Variants in N4BP2 observed in about 807,000 individuals in gnomAD.
N4BP2 encodes NEDD4 binding protein 2.
N4BP2 carries 91 observed loss-of-function variants against 152.8 expected under a neutral mutation model. The ratio of observed to expected loss-of-function variants is 0.60; its 90% CI spans 0.50 to 0.71. The LOEUF is 0.71. Among genes scored for constraint, N4BP2 ranks in the 30% least tolerant of loss-of-function variants. N4BP2 has a pLI of 0.00. For missense variants in N4BP2, 1,923 were observed against 2,059.1 expected (o/e 0.93, Z 1.28); for synonymous variants, 646 against 705.3 (o/e 0.92, Z 1.33).
the N4BP2 span, among the ~76,000 whole-genome samples, chr4:40,176,808 T>TG: frequency 6.6e-6 from 1 of 152,224 alleles, no homozygotes; most frequent in Admixed American, 6.5e-5. Context: ...TCATGCTGTT[T>TG]GCAGCAGGGA....
chr4:40,126,627 C>A (rs1305158868), intron 12 of N4BP2, among the ~76,000 whole-genome samples: 1 of 151,724 alleles, frequency 6.6e-6, no homozygotes, highest in African/African-American at 2.4e-5. Context: ...TTTCTTGATA[C>A]ATCGTCTTGG....
the N4BP2 span, among the ~76,000 whole-genome samples, chr4:40,183,812 C>T: frequency 2.0e-5 from 3 of 152,198 alleles, no homozygotes; most frequent in Non-Finnish European, 4.4e-5. Flanking sequence ...TGCCAGGCTT[C>T]TGCTGTGTCT....
chr4:40,132,000 A>G lies in N4BP2; in HGVS notation c.4646+81A>G, dbSNP rs1579103212. 1.1e-5 allele frequency: 10 copies of G among 920,452 alleles called. No homozygotes were observed. In the East Asian group the frequency reaches 2.4e-4, roughly 22 times the overall value. 57.0% of individuals were successfully genotyped at this position (920,452 alleles called of 1,614,324 possible). Reference sequence around the variant, plus strand: ...GCCATGTTTATTTTTCTGATAACAAAAATAATGTAAGTCTACAGTAGTCTC... The same window carrying G: ...GCCATGTTTATTTTTCTGATAACAAGAATAATGTAAGTCTACAGTAGTCTC... On this transcript the variant is annotated intron_variant, in intron 13 of 17. Transcript: ENST00000261435.
At chr4:40,145,401 T>A (rs1222979181) in intron 16 of N4BP2, among the ~76,000 whole-genome samples, 2 of 152,130 alleles carry the variant, frequency 1.3e-5, no homozygotes, top group African/African-American at 2.4e-5. Context: ...TTTTTGTATT[T>A]TTAGTGGAGA....
the N4BP2 span, among the ~76,000 whole-genome samples, chr4:40,169,659 TA>T: frequency 3.9e-4 from 55 of 141,386 alleles, no homozygotes; most frequent in East Asian, 1.2e-3. Flanking sequence ...TGCTCATCTT[TA>T]AAAAAAAAAA....
intron 13 of N4BP2, among the ~76,000 whole-genome samples, chr4:40,134,013 G>A (rs1719135591): frequency 6.6e-6 from 1 of 152,032 alleles, no homozygotes; most frequent in African/African-American, 2.4e-5. Flanking sequence ...TCACCATGTT[G>A]CCCAGGCTGG....
At chr4:40,123,086 A>G in intron 9 of N4BP2, 41 bp from the exon 10 acceptor site, 1 of 1,272,598 alleles carries the variant, frequency 7.9e-7, no homozygotes, top group African/African-American at 1.5e-5. Context: ...ATATATAATG[A>G]GTAATGATTA....
chr4:40,075,000 CTG>C (rs1471810604), intron 2 of N4BP2, among the ~76,000 whole-genome samples: 1 of 150,666 alleles, frequency 6.6e-6, no homozygotes, highest in African/African-American at 2.4e-5. Context: ...GAGTGAGACT[CTG>C]TAAAGAAAAA....
At chr4:40,077,940 G>A (rs1031454903) in intron 2 of N4BP2, 2 of 152,112 alleles carry the variant, frequency 1.3e-5, no homozygotes, top group African/African-American at 4.8e-5. Flanking sequence ...TGGCCTCTGT[G>A]CAAGGATATG....
At chr4:40,074,072 G>A (rs373302246) in intron 2 of N4BP2, among the ~76,000 whole-genome samples, 4 of 152,126 alleles carry the variant, frequency 2.6e-5, no homozygotes, top group African/African-American at 7.2e-5. Flanking sequence ...GATTACAGGC[G>A]TGAGCCACCG....
chr4:40,184,357 GC>G, the N4BP2 span, among the ~76,000 whole-genome samples: 1 of 136,850 alleles, frequency 7.3e-6, no homozygotes, highest in African/African-American at 2.7e-5. Context: ...AACTTCATCT[GC>G]CTTTTTTTTT....
intron 15 of N4BP2, among the ~76,000 whole-genome samples, chr4:40,143,749 T>A (rs1048345181): frequency 6.6e-5 from 10 of 152,116 alleles, no homozygotes; most frequent in Admixed American, 5.9e-4. Flanking sequence ...TACAAAATGT[T>A]GAAGGTGAAC....
At chr4:40,169,900 G>A in the N4BP2 span, among the ~76,000 whole-genome samples, 4 of 149,764 alleles carry the variant, frequency 2.7e-5, no homozygotes, top group Admixed American at 2.7e-4. Context: ...GGAGGCAGAG[G>A]TTTCAGTGAA....
Position 40,126,299 on chromosome 4 carries a change from A to C in N4BP2, c.4496A>C (p.Glu1499Ala), listed in dbSNP as rs1183389544. 3.8e-6 allele frequency: 6 copies of C among 1,570,556 alleles called. No homozygotes were observed. Among genetic ancestry groups the C allele is most frequent in the Non-Finnish European group, 5.2e-6 (6 of 1,157,352 alleles). Residue 1499 changes from glutamate (E) to alanine (A), a missense_variant, in exon 12 of 18, where the codon GAA becomes GCA. Transcript: ENST00000261435. ...KKVSLREIMS[E>A]EIALQEKHNL... ...GTATCACTCAGAGAAATAATGTCAG[A>C]AGAAATTGCCTTACAGGAAAAACAT...
chr4:40,081,834 TG>T (rs1489454667), intron 2 of N4BP2, among the ~76,000 whole-genome samples: 1 of 151,116 alleles, frequency 6.6e-6, no homozygotes, highest in Non-Finnish European at 1.5e-5. Context: ...AAAATAAGGT[TG>T]GGTGCTGTGG....
chr4:40,096,424 A>C (rs1272858063), intron 2 of N4BP2, among the ~76,000 whole-genome samples: 1 of 152,162 alleles, frequency 6.6e-6, no homozygotes, highest in Non-Finnish European at 1.5e-5. Context: ...TGTTTGAAGA[A>C]GAGTGAGGAG....
chr4:40,063,635 AAATT>A (rs1056805456), intron 1 of N4BP2, among the ~76,000 whole-genome samples: 13 of 152,120 alleles, frequency 8.5e-5, no homozygotes, highest in South Asian at 8.3e-4. Flanking sequence ...ATTTTTAATT[AAATT>A]AATTAATTAA....
At position 40,156,202 on chromosome 4, in the gene N4BP2, T is replaced by G. The variant is rs1048775551; in HGVS notation, c.*1965T>G. 6.6e-6 allele frequency: 1 copy of G among 152,176 alleles called. No individual in the cohort carries two copies. Among genetic ancestry groups the G allele is most frequent in the African/African-American group, 2.4e-5 (1 of 41,456 alleles). The allele number at this position is 152,176 out of a possible 1,614,324, so 9.4% of individuals were successfully genotyped here. A position where few individuals can be genotyped will look rare whatever the true frequency, so the allele number is the denominator to read the frequency against. On this transcript the variant is annotated 3_prime_UTR_variant, in exon 18 of 18. Transcript: ENST00000261435. ...AATGTGTGCAGCTGCATACTCACTT[T>G]CTGTGTTTTTATATTTCCTTACCTA...
chr4:40,088,792 A>G (rs1425529598), intron 2 of N4BP2, among the ~76,000 whole-genome samples: 2 of 151,952 alleles, frequency 1.3e-5, no homozygotes, highest in African/African-American at 2.4e-5. Flanking sequence ...GAGCCACCGC[A>G]CCTGACCTCA....
Sources: gnomAD v4.1 joint callset for allele counts (sites outside exome capture counted in the v4.1 genomes callset) on GRCh38, gnomAD v4.1.1 for gene constraint, MANE v1.5 for transcripts, NCBI Gene and HGNC (gene_info 2026-07-23, HGNC 2026-07-21) for gene names.